The following LDLRAD4 variants were observed in gnomAD, a reference collection of about 807,000 sequenced individuals.
LDLRAD4 encodes low density lipoprotein receptor class A domain containing 4, also known as low-density lipoprotein receptor class A domain-containing protein 4.
In LDLRAD4, 5 loss-of-function variants were observed where a neutral mutation model predicts 17.0. The observed-to-expected ratio is 0.29, with a 90% CI of 0.15 to 0.62. The LOEUF (loss-of-function observed/expected upper bound fraction) is 0.62, where lower values mean the gene tolerates loss of function less well. LDLRAD4 is among the 20% of genes least tolerant of loss of function. LDLRAD4 has a pLI of 0.84. For missense variants in LDLRAD4, 340 were observed against 424.7 expected (o/e 0.80, Z 1.75); for synonymous variants, 168 against 171.8 (o/e 0.98, Z 0.17).
chr18:13,593,587 A>G (rs1011044484), intron 3 of LDLRAD4, among the ~76,000 whole-genome samples: 60 of 150,938 alleles, frequency 4.0e-4, no homozygotes, highest in African/African-American at 1.1e-3. Context: ...CCGTCCGTCC[A>G]TCCATCCATC....
intron 2 of LDLRAD4, among the ~76,000 whole-genome samples, chr18:13,408,848 C>T (rs559942152): frequency 2.6e-5 from 4 of 152,058 alleles, no homozygotes; most frequent in South Asian, 2.1e-4. Context: ...TTCTCTTTCT[C>T]GTCTTTTTCT....
chr18:13,267,787 T>G (rs2044303385), intron 1 of LDLRAD4, among the ~76,000 whole-genome samples: 1 of 152,228 alleles, frequency 6.6e-6, no homozygotes, highest in African/African-American at 2.4e-5. Flanking sequence ...GGGCCCCTGG[T>G]GACAGCTTGC....
intron 3 of LDLRAD4, among the ~76,000 whole-genome samples, chr18:13,450,735 A>C (rs1460513581): frequency 2.0e-5 from 3 of 152,216 alleles, no homozygotes; most frequent in Non-Finnish European, 2.9e-5. Flanking sequence ...TATGCAGGAC[A>C]GAAGGAACAT....
At chr18:13,311,426 C>T (rs567194199) in intron 1 of LDLRAD4, among the ~76,000 whole-genome samples, 3 of 152,328 alleles carry the variant, frequency 2.0e-5, no homozygotes. Flanking sequence ...GGCTTGGCTT[C>T]TGCCACACTC....
chr18:13,438,694 A>G (rs2090831054), intron 3 of LDLRAD4, among the ~76,000 whole-genome samples: 1 of 152,262 alleles, frequency 6.6e-6, no homozygotes, highest in Admixed American at 6.5e-5. Context: ...TTACTACTTC[A>G]GAAGTAATTT....
chr18:13,590,082 TGTGTGG>T (rs1212904625), intron 3 of LDLRAD4, among the ~76,000 whole-genome samples: 1 of 150,038 alleles, frequency 6.7e-6, no homozygotes, highest in Non-Finnish European at 1.5e-5. Flanking sequence ...TGGGTGTGCA[TGTGTGG>T]GTGTGAGTGT....
At chr18:13,249,222 T>TG (rs1473667647) in intron 1 of LDLRAD4, among the ~76,000 whole-genome samples, 5 of 152,230 alleles carry the variant, frequency 3.3e-5, no homozygotes, top group Non-Finnish European at 4.4e-5. Flanking sequence ...GAGGTGCAGG[T>TG]GTCTCTTCCA....
chr18:13,300,491 G>A lies in LDLRAD4; in HGVS notation c.-383+22303G>A, dbSNP rs903068350. ...GGAGGCCTGCAATAAGGCACCCGGT[G>A]CCAGCATGGAGCCCCATTGTCCTCA... On this transcript the variant is annotated intron_variant, in intron 1 of 5. Transcript: ENST00000359446. This position sits in a 1 kb window ranked among gnomAD's most constrained non-coding sequence, Gnocchi z 4.2. Among the ~76,000 whole-genome samples, 1 of 152,236 alleles carries A rather than the reference G, an allele frequency of 6.6e-6. No individual in the cohort carries two copies. Among genetic ancestry groups the A allele is most frequent in the Non-Finnish European group, 1.5e-5 (1 of 68,046 alleles).
Position 13,447,674 on chromosome 18 carries a change from C to T in LDLRAD4, c.181+9290C>T, listed in dbSNP as rs62085725. Among the ~76,000 whole-genome samples the T allele has an allele frequency of 6.2e-3, 940 of 152,222 alleles. 8 individuals carry two copies. Among genetic ancestry groups the T allele is most frequent in the Non-Finnish European group, 0.011 (721 of 68,016 alleles). On this transcript the variant is annotated intron_variant, in intron 3 of 5. Transcript: ENST00000359446. ...AGCGTGGATGTTAATGAAAGTCTGG[C>T]GGTGCTATTTTGAGAATTGCAACAA...
At chr18:13,531,864 G>C (rs563880574) in intron 3 of LDLRAD4, among the ~76,000 whole-genome samples, 5 of 152,306 alleles carry the variant, frequency 3.3e-5, no homozygotes, top group African/African-American at 1.2e-4. Context: ...CCATATGCAG[G>C]AGGCTGCGCT....
intron 3 of LDLRAD4, among the ~76,000 whole-genome samples, chr18:13,550,560 G>C (rs147527101): frequency 1.6e-3 from 248 of 152,318 alleles, no homozygotes; most frequent in African/African-American, 5.6e-3. Context: ...CCCTGAGGAC[G>C]GCCAGGAGGA....
intron 1 of LDLRAD4, among the ~76,000 whole-genome samples, chr18:13,374,474 A>C (rs1049775519): frequency 2.0e-4 from 30 of 152,356 alleles, no homozygotes; most frequent in Admixed American, 2.0e-3. Context: ...AGCTGGTTGG[A>C]AATGCAGCCT....
At chr18:13,330,344 T>G (rs2081787758) in intron 1 of LDLRAD4, among the ~76,000 whole-genome samples, 1 of 152,180 alleles carries the variant, frequency 6.6e-6, no homozygotes, top group South Asian at 2.1e-4. Flanking sequence ...TTTTCAAAAA[T>G]GTGGTATTTT....
At chr18:13,547,211 C>T (rs114023007) in intron 3 of LDLRAD4, among the ~76,000 whole-genome samples, 2,898 of 152,290 alleles carry the variant, frequency 0.019, 92 homozygotes, top group African/African-American at 0.064. Flanking sequence ...GTCATTTACT[C>T]GAGTAGCATC....
intron 1 of LDLRAD4, among the ~76,000 whole-genome samples, chr18:13,297,316 G>C (rs1355958582): frequency 6.6e-6 from 1 of 152,184 alleles, no homozygotes; most frequent in African/African-American, 2.4e-5. Flanking sequence ...TTTCTGGCCA[G>C]TAGAGTCACA....
At chr18:13,315,453 A>G (rs1000328857) in intron 1 of LDLRAD4, among the ~76,000 whole-genome samples, 4 of 152,250 alleles carry the variant, frequency 2.6e-5, no homozygotes, top group Admixed American at 2.0e-4. Context: ...ATCATCATTA[A>G]TATATTCAAG....
intron 3 of LDLRAD4, among the ~76,000 whole-genome samples, chr18:13,500,313 A>T (rs771309915): frequency 2.0e-5 from 3 of 152,098 alleles, no homozygotes; most frequent in Non-Finnish European, 4.4e-5. Context: ...CCTCCTCTGG[A>T]GCGCCTCCTC....
chr18:13,302,673 G>A (rs1305352900), intron 1 of LDLRAD4, among the ~76,000 whole-genome samples: 1 of 152,222 alleles, frequency 6.6e-6, no homozygotes, highest in Non-Finnish European at 1.5e-5. Flanking sequence ...AGGCCAGAAC[G>A]CCTTGCTAGC....
At chr18:13,576,645 C>T (rs2094777571) in intron 3 of LDLRAD4, among the ~76,000 whole-genome samples, 1 of 152,212 alleles carries the variant, frequency 6.6e-6, no homozygotes, top group Non-Finnish European at 1.5e-5. Flanking sequence ...TCTCTTTGCA[C>T]TTCACAGAAT....
Sources: allele counts gnomAD v4.1 joint callset (sites outside exome capture counted in the v4.1 genomes callset), GRCh38; gene constraint gnomAD v4.1.1; non-coding constraint Gnocchi (gnomAD v3.1); transcripts MANE v1.5; gene names NCBI Gene and HGNC (gene_info 2026-07-23, HGNC 2026-07-21).